Variants in SH2B1 observed in about 807,000 individuals in gnomAD.
SH2B1 encodes SH2B adaptor protein 1.
Under a neutral mutation model 62.6 loss-of-function variants are expected in SH2B1, and 15 were observed. The ratio of observed to expected loss-of-function variants is 0.24; its 90% confidence interval spans 0.16 to 0.37. The LOEUF is 0.37. Among genes scored for constraint, SH2B1 ranks in the 10% least tolerant of loss-of-function variants. SH2B1 has a pLI of 1.00. For missense variants in SH2B1, 925 were observed against 1,015.6 expected (o/e 0.91, Z 1.21); for synonymous variants, 443 against 438.0 (o/e 1.01, Z -0.14).
chr16:28,863,330 C>T (rs1372731757), upstream of SH2B1: 1 of 221,500 alleles, frequency 4.5e-6, no homozygotes, highest in Non-Finnish European at 9.1e-6. Flanking sequence ...CCCCTTTCCT[C>T]AGATAAACCA....
chr16:28,852,297 T>C (rs1567458178), intron 1 of SH2B1, among the ~76,000 whole-genome samples: 1 of 90,018 alleles, frequency 1.1e-5, no homozygotes, highest in Non-Finnish European at 2.0e-5. Context: ...TACATATATA[T>C]ATTTACATAT....
In SH2B1 at chr16:28,866,629, C is replaced by G. The variant is rs746281351; in HGVS notation, c.535C>G (p.Pro179Ala). The change falls in exon 1 of 8, where the codon CCC (proline) becomes GCC (alanine). Residue 179 changes from proline (P) to alanine (A), a missense_variant. Physicochemically the swap from Pro to Ala is conservative, Grantham distance 27. Transcript: ENST00000684370. The surrounding 1 kb of genome is among the most constrained non-coding windows in gnomAD (Gnocchi z 6.3). ...ILQWRGTVDPPSSAGPLETSS... is the reference protein window; with the variant it reads ...ILQWRGTVDPASSAGPLETSS... ...GCAGTGGCGGGGGACCGTTGACCCTCCCTCCTCCGCTGGGCCCCTGGAGAC... is the reference window on the plus strand; with the variant it reads ...GCAGTGGCGGGGGACCGTTGACCCTGCCTCCTCCGCTGGGCCCCTGGAGAC... 6.2e-7 allele frequency: 1 copy of G among 1,613,816 alleles called. No homozygotes were observed. The highest frequency in any genetic ancestry group is 2.2e-5 in the East Asian group (1 of 44,874).
intron 1 of SH2B1, among the ~76,000 whole-genome samples, chr16:28,851,027 A>G (rs1338223118): frequency 6.6e-6 from 1 of 150,812 alleles, no homozygotes. Flanking sequence ...TACAAAAATT[A>G]GCTGGGCATG....
At chr16:28,868,660 A>G (rs537872260) in intron 2 of SH2B1, among the ~76,000 whole-genome samples, 35 of 151,802 alleles carry the variant, frequency 2.3e-4, no homozygotes, top group Admixed American at 1.2e-3. Flanking sequence ...GTTTCACCAC[A>G]TTGGTCATGT....
chr16:28,872,061 A>G lies in SH2B1; in HGVS notation c.1513+78A>G, dbSNP rs1963074261. The G allele has an allele frequency of 6.7e-6, 9 of 1,339,348 alleles. No homozygotes were observed. In the Admixed American group the frequency reaches 1.6e-4, roughly 24 times the overall value. 83.0% of individuals were successfully genotyped at this position (1,339,348 alleles called of 1,614,324 possible). On this transcript the variant is annotated intron_variant, in intron 5 of 7. Transcript: ENST00000684370. This position sits in a 1 kb window ranked among gnomAD's most constrained non-coding sequence, Gnocchi z 5.3. The stretch of plus-strand genomic sequence containing the variant: ...ACCACCTCTCCTGGGATCCCGAGGG[A>G]GCTGGCCCAGGGGAGTTGGGGACGC...
upstream of SH2B1, among the ~76,000 whole-genome samples, chr16:28,859,717 AAAAAG>A (rs1367001265): frequency 6.6e-6 from 1 of 152,048 alleles, no homozygotes; most frequent in East Asian, 1.9e-4. Flanking sequence ...CAGGAAAAAA[AAAAAG>A]AGAGAGAGAA....
upstream of SH2B1, chr16:28,863,448 G>C (rs1962519325): frequency 2.1e-6 from 1 of 482,452 alleles, no homozygotes; most frequent in African/African-American, 2.0e-5. Flanking sequence ...TCCACAGCGG[G>C]GCCGGCGCTC....
At chr16:28,867,558 C>T (rs1962786484) in intron 2 of SH2B1, 126 bp downstream of exon 2, 5 of 703,586 alleles carry the variant, frequency 7.1e-6, no homozygotes, top group Non-Finnish European at 1.3e-5. Flanking sequence ...GAGTGTGTCC[C>T]TGGGGCTGCA....
At chr16:28,849,599 C>A (rs1436946073) in intron 1 of SH2B1, among the ~76,000 whole-genome samples, 2 of 151,920 alleles carry the variant, frequency 1.3e-5, no homozygotes, top group South Asian at 4.2e-4. Flanking sequence ...TTTAAAAAAA[C>A]AGATCAACTT....
At position 28,873,195 on chromosome 16, in the gene SH2B1, G is replaced by A. The variant is rs769627655; in HGVS notation, c.1898-252G>A. The A allele has an allele frequency of 1.6e-5, 26 of 1,593,278 alleles. 1 individual carries two copies. In the African/African-American group the frequency reaches 1.7e-4, roughly 11 times the overall value. The stretch of plus-strand genomic sequence containing the variant: ...GCCGGGAGCAGGCTGGGAGCCATGC[G>A]GGGGTGTGCGAGGGAGATGGATGCC... On this transcript the variant is annotated intron_variant, in intron 7 of 7. Transcript: ENST00000684370. The surrounding 1 kb of genome is among the most constrained non-coding windows in gnomAD (Gnocchi z 4.2).
Position 28,852,209 on chromosome 16 carries a change from T to TATATATATTTACATATATATTTAC in SH2B1, c.-301+5391_-301+5414dup, listed in dbSNP as rs869029751. Among the ~76,000 whole-genome samples the TATATATATTTACATATATATTTAC allele has an allele frequency of 1.8e-4, 14 of 78,810 alleles. 4 individuals carry two copies. Among genetic ancestry groups the TATATATATTTACATATATATTTAC allele is most frequent in the African/African-American group, 9.4e-4 (14 of 14,964 alleles). The allele number at this position is 78,810 out of a possible 152,430, so 51.7% of individuals were successfully genotyped here. A position where few individuals can be genotyped will look rare whatever the true frequency, so the allele number is the denominator to read the frequency against. Reference sequence around the variant, plus strand: ...ATATATTTTTATTTATATATTTACATATATATATTTACATATATATTTACA... The same window carrying TATATATATTTACATATATATTTAC: ...ATATATTTTTATTTATATATTTACATATATATATTTACATATATATTTACATATATATTTACATATATATTTACA... On this transcript the variant is annotated intron_variant, in intron 1 of 10. Transcript: ENST00000322610.
intron 1 of SH2B1, among the ~76,000 whole-genome samples, chr16:28,854,500 A>G (rs1962278658): frequency 6.6e-6 from 1 of 152,014 alleles, no homozygotes; most frequent in Non-Finnish European, 1.5e-5. Flanking sequence ...GCCTGTATGT[A>G]ATCCCAGCAC....
At chr16:28,854,781 A>T (rs1278256294) in intron 1 of SH2B1, among the ~76,000 whole-genome samples, 1 of 151,974 alleles carries the variant, frequency 6.6e-6, no homozygotes, top group Non-Finnish European at 1.5e-5. Flanking sequence ...ATAATAATAA[A>T]ATTCTCCGTG....
chr16:28,852,923 T>TAC (rs1962206993), intron 1 of SH2B1, among the ~76,000 whole-genome samples: 1 of 51,560 alleles, frequency 1.9e-5, no homozygotes, highest in Non-Finnish European at 3.8e-5. Flanking sequence ...TACATATATA[T>TAC]ATTTTTATAT....
At chr16:28,849,173 A>C (rs898565855) in intron 1 of SH2B1, among the ~76,000 whole-genome samples, 5 of 152,122 alleles carry the variant, frequency 3.3e-5, no homozygotes, top group African/African-American at 7.2e-5. Flanking sequence ...GGGCAGTCAC[A>C]GCTCACTGCA....
rs536733572 is a variant in SH2B1, at chr16:28,872,075, A to G, written c.1513+92A>G. 19 of 1,340,984 alleles carry G rather than the reference A, an allele frequency of 1.4e-5. No homozygotes were observed. Among genetic ancestry groups the G allele is most frequent in the Non-Finnish European group, 7.4e-6 (7 of 942,272 alleles). The allele number at this position is 1,340,984 out of a possible 1,614,324, so 83.1% of individuals were successfully genotyped here. A position where few individuals can be genotyped will look rare whatever the true frequency, so the allele number is the denominator to read the frequency against. On this transcript the variant is annotated intron_variant, in intron 5 of 7. Transcript: ENST00000684370. The surrounding 1 kb of genome is among the most constrained non-coding windows in gnomAD (Gnocchi z 5.3). ...GATCCCGAGGGAGCTGGCCCAGGGGAGTTGGGGACGCATGTGGGGAGCAGG... is the reference window on the plus strand; with the variant it reads ...GATCCCGAGGGAGCTGGCCCAGGGGGGTTGGGGACGCATGTGGGGAGCAGG...
chr16:28,870,094 T>C (rs1005687400), intron 4 of SH2B1, among the ~76,000 whole-genome samples: 1 of 152,180 alleles, frequency 6.6e-6, no homozygotes, highest in African/African-American at 2.4e-5. Flanking sequence ...TCCCAAGCCA[T>C]GCTGTCTGTG....
Position 28,866,414 on chromosome 16 carries a change from C to T in SH2B1, c.320C>T (p.Ser107Phe), listed in dbSNP as rs2152175872. 1 of 1,613,946 alleles carries T rather than the reference C, an allele frequency of 6.2e-7. No individual in the cohort carries two copies. Among genetic ancestry groups the T allele is most frequent in the Non-Finnish European group, 8.5e-7 (1 of 1,180,008 alleles). ...PGAEISPHDL[S>F]LESCRVGGPL... ...GCGGAGATTTCGCCACATGACCTGT[C>T]CCTTGAGAGCTGCAGGGTGGGTGGG... The change falls in exon 1 of 8, where the codon TCC (serine) becomes TTC (phenylalanine). Residue 107 changes from serine (S) to phenylalanine (F), a missense_variant. Ser to Phe is a radical substitution (Grantham distance 155). Coordinates refer to ENST00000684370, the MANE Select transcript of SH2B1 (RefSeq NM_001387430.1). This position sits in a 1 kb window ranked among gnomAD's most constrained non-coding sequence, Gnocchi z 6.3.
chr16:28,859,251 TTAAG>T (rs1261957591), upstream of SH2B1, among the ~76,000 whole-genome samples: 5 of 152,090 alleles, frequency 3.3e-5, no homozygotes, highest in Admixed American at 2.6e-4. Flanking sequence ...GCCTATTTAT[TTAAG>T]TTTTATTTTA....
Sources: allele counts gnomAD v4.1 joint callset (sites outside exome capture counted in the v4.1 genomes callset), GRCh38; gene constraint gnomAD v4.1.1; non-coding constraint Gnocchi (gnomAD v3.1); transcripts MANE v1.5; gene names NCBI Gene and HGNC (gene_info 2026-07-23, HGNC 2026-07-21).